Variants in CACTIN observed in about 807,000 individuals in gnomAD.
The protein encoded by CACTIN is splicing factor Cactin.
A neutral mutation model predicts 84.9 loss-of-function variants in CACTIN; 20 were observed. The observed-to-expected ratio is 0.24, with a 90% CI of 0.17 to 0.34. CACTIN has a LOEUF of 0.34. Among genes scored for constraint, CACTIN ranks in the 10% least tolerant of loss-of-function variants. The pLI, the probability that CACTIN is intolerant of heterozygous loss-of-function variation, is 1.00. For missense variants in CACTIN, 897 were observed against 1,117.2 expected (o/e 0.80, Z 2.81); for synonymous variants, 549 against 467.9 (o/e 1.17, Z -2.24).
chr19:3,614,099 C>T (rs1241372850), intron 7 of CACTIN, among the ~76,000 whole-genome samples: 4 of 152,154 alleles, frequency 2.6e-5, no homozygotes, highest in Admixed American at 1.3e-4. Context: ...TGCTGGAGCG[C>T]GCCAGGTACT....
intron 2 of CACTIN, among the ~76,000 whole-genome samples, chr19:3,623,353 C>T (rs1412262085): frequency 6.6e-6 from 1 of 151,994 alleles, no homozygotes; most frequent in Non-Finnish European, 1.5e-5. Context: ...CATGGTGAAA[C>T]CCTGTCTCTA....
In CACTIN at chr19:3,624,031, G is replaced by T. The variant is rs765548103; in HGVS notation, c.299C>A (p.Ala100Asp). The change falls in exon 2 of 10, where the codon GCT (alanine) becomes GAT (aspartate). Residue 100 changes from alanine to aspartate, a missense_variant. Physicochemically the swap from Ala to Asp is moderately radical, Grantham distance 126 (BLOSUM62 -2). Coordinates refer to ENST00000429344, the MANE Select transcript of CACTIN (RefSeq NM_001080543.2). ...CGAGCGTGCGCGCCGTCGCCGGCGAGCCCACTGGCCCCGTGACTGCTCCTC... is the reference window on the plus strand; with the variant it reads ...CGAGCGTGCGCGCCGTCGCCGGCGATCCCACTGGCCCCGTGACTGCTCCTC... The part of the protein sequence containing the change: ...SGEEQSRGQW[A>D]RRRRRARSWS... 3.1e-6 allele frequency: 5 copies of T among 1,605,426 alleles called. No homozygotes were observed. The Admixed American group carries it at 6.7e-5, about 21-fold the overall frequency.
At chr19:3,624,539 G>T (rs953464742) in intron 1 of CACTIN, among the ~76,000 whole-genome samples, 6 of 152,134 alleles carry the variant, frequency 3.9e-5, no homozygotes, top group African/African-American at 1.4e-4. Context: ...TCGAGGCAGA[G>T]CAAGAGCGAG....
chr19:3,611,698 G>A lies in CACTIN; in HGVS notation c.*225C>T, dbSNP rs1411051635. ...CCCCCTCCGTTGCATCAGGACCCTA[G>A]GCCAGCCTGTCCCAGTGTCTCCTCA... On this transcript the variant is annotated 3_prime_UTR_variant, in exon 10 of 10. Coordinates refer to ENST00000429344, the MANE Select transcript of CACTIN (RefSeq NM_001080543.2). 3 of 631,374 alleles carry A rather than the reference G, an allele frequency of 4.8e-6. No individual in the cohort carries two copies. In the South Asian group the frequency reaches 5.4e-5, roughly 11 times the overall value. The allele number at this position is 631,374 out of a possible 1,614,324, so 39.1% of individuals were successfully genotyped here. A position where few individuals can be genotyped will look rare whatever the true frequency, so the allele number is the denominator to read the frequency against.
intron 2 of CACTIN, 135 bp from the exon 3 acceptor site, chr19:3,620,937 A>G (rs1250866446): frequency 1.4e-6 from 1 of 724,726 alleles, no homozygotes; most frequent in Admixed American, 2.0e-5. Context: ...CACGTCTTCC[A>G]CCCCCTCCTT....
chr19:3,613,958 G>A (rs1334178602), intron 7 of CACTIN: 3 of 410,788 alleles, frequency 7.3e-6, no homozygotes, highest in African/African-American at 2.0e-5. Context: ...TTTACACAGC[G>A]GTGCCAAAAA....
chr19:3,619,411 T>G (rs1000470398), intron 4 of CACTIN, among the ~76,000 whole-genome samples, 169 bp from the exon 5 acceptor site: 3 of 151,312 alleles, frequency 2.0e-5, no homozygotes, highest in Non-Finnish European at 2.9e-5. Context: ...TAAGGTAGAG[T>G]GAGCCGGGTC....
chr19:3,618,940 A>G lies in CACTIN; in HGVS notation c.1097T>C (p.Met366Thr). The G allele has an allele frequency of 1.3e-6, 2 of 1,560,110 alleles. No individual in the cohort carries two copies. The highest frequency in any genetic ancestry group is 8.7e-7 in the Non-Finnish European group (1 of 1,151,906). Residue 366 changes from methionine (M) to threonine (T), a missense_variant, in exon 6 of 10, where the codon ATG becomes ACG. Transcript: ENST00000429344. ...GATCTCGTCCTCGGTGATGGTGGTC[A>G]TGTCCCGCCAGAAGTCGGCGTTCTT... ...QGKNADFWRDMTTITEDEISK... is the reference protein window; with the variant it reads ...QGKNADFWRDTTTITEDEISK...
In CACTIN at chr19:3,617,336, G is replaced by T. The variant is rs1158859621; in HGVS notation, c.1162+1539C>A. On this transcript the variant is annotated intron_variant, in intron 6 of 9. Transcript: ENST00000429344. ...TAATTTAAGAAGATCCAGGACAGGG[G>T]CTCTGTGGGTCTCCAGGGGGACAGC... Among the ~76,000 whole-genome samples the T allele has an allele frequency of 2.0e-5, 3 of 152,362 alleles. No individual in the cohort carries two copies. The East Asian group carries it at 5.8e-4, about 29-fold the overall frequency.
chr19:3,614,645 A>G (rs954782551), intron 6 of CACTIN, 56 bp from the exon 7 acceptor site: 1 of 1,447,378 alleles, frequency 6.9e-7, no homozygotes, highest in African/African-American at 1.4e-5. Context: ...GTGCTCCTCC[A>G]CCCCATCAGG....
Position 3,612,196 on chromosome 19 carries a change from T to G in CACTIN, c.2004A>C (p.Pro668=). The G allele has an allele frequency of 6.2e-7, 1 of 1,613,418 alleles. No homozygotes were observed. Among genetic ancestry groups the G allele is most frequent in the Non-Finnish European group, 8.5e-7 (1 of 1,179,882 alleles). ...TGTATCCCTGCACGATCTTGGGCGG[T>G]GGGTTGTCAAAGTCGTAGTGCGTCT... ...YNQTHYDFDN[P]PPKIVQGYKF... Residue 668 remains proline (P), a synonymous_variant, in exon 10 of 10, where the codon CCA becomes CCC. Coordinates refer to ENST00000429344, the MANE Select transcript of CACTIN (RefSeq NM_001080543.2).
intron 7 of CACTIN, chr19:3,613,805 G>A: frequency 1.7e-6 from 1 of 603,236 alleles, no homozygotes; most frequent in Non-Finnish European, 2.8e-6. Context: ...CCATCCCATG[G>A]CAGGGAGAGG....
At chr19:3,625,407 G>A (rs2033313278) in intron 1 of CACTIN, among the ~76,000 whole-genome samples, 1 of 152,074 alleles carries the variant, frequency 6.6e-6, no homozygotes, top group African/African-American at 2.4e-5. Flanking sequence ...ACCAGAAAAT[G>A]GTAGGCGAAA....
At chr19:3,618,760 T>C (rs1367276412) in intron 6 of CACTIN, 115 bp downstream of exon 6, 9 of 833,810 alleles carry the variant, frequency 1.1e-5, no homozygotes, top group Non-Finnish European at 1.7e-5. Context: ...GAGGCCCCAG[T>C]TGGGGAAACC....
rs747519855 is a variant in CACTIN, at chr19:3,623,752, C to G, written c.578G>C (p.Gly193Ala). Residue 193 changes from glycine to alanine, a missense_variant, in exon 2 of 10, where the codon GGC becomes GCC. Coordinates refer to ENST00000429344, the MANE Select transcript of CACTIN (RefSeq NM_001080543.2). ...GAAGGGGTTGTCGGTGTTGGTGTAG[C>G]CCATGTACTCCTCACCCCAGCCCAT... ...EKMGWGEEYM[G>A]YTNTDNPFGD... is the part of the protein sequence containing the mutation. The G allele has an allele frequency of 6.2e-7, 1 of 1,613,884 alleles. No homozygotes were observed. Among genetic ancestry groups the G allele is most frequent in the South Asian group, 1.1e-5 (1 of 91,044 alleles).
At position 3,610,940 on chromosome 19, in the gene CACTIN, G is replaced by A. The variant is rs2032933051; in HGVS notation, c.*983C>T. ...CGGCTGGGCCACTCCGACCTGGGCTGTGGCACCCGTGTGGCCCTCGGCCCT... is the reference window on the plus strand; with the variant it reads ...CGGCTGGGCCACTCCGACCTGGGCTATGGCACCCGTGTGGCCCTCGGCCCT... On this transcript the variant is annotated 3_prime_UTR_variant, in exon 10 of 10. Coordinates refer to ENST00000429344, the MANE Select transcript of CACTIN (RefSeq NM_001080543.2). 4 of 456,642 alleles carry A rather than the reference G, an allele frequency of 8.8e-6. No individual in the cohort carries two copies. Among genetic ancestry groups the A allele is most frequent in the Admixed American group, 4.7e-5 (2 of 42,566 alleles). The allele number at this position is 456,642 out of a possible 1,614,324, so 28.3% of individuals were successfully genotyped here.
rs2032930488 is a variant in CACTIN at position 3,610,844 on chromosome 19, G to A, written c.*1079C>T. 2.2e-6 allele frequency: 1 copy of A among 456,824 alleles called. No individual in the cohort carries two copies. Among genetic ancestry groups the A allele is most frequent in the South Asian group, 1.5e-5 (1 of 64,568 alleles). The allele number at this position is 456,824 out of a possible 1,614,324, so 28.3% of individuals were successfully genotyped here. The stretch of plus-strand genomic sequence containing the variant: ...CTGGTGAGGTTGGGTGGCCCTCTGG[G>A]GGTCCGGGAGGCACTTTCCGTTTTG... On this transcript the variant is annotated 3_prime_UTR_variant, in exon 10 of 10. Coordinates refer to ENST00000429344, the MANE Select transcript of CACTIN (RefSeq NM_001080543.2).
intron 4 of CACTIN, among the ~76,000 whole-genome samples, chr19:3,619,458 C>T (rs1285940891): frequency 6.6e-6 from 1 of 152,222 alleles, no homozygotes; most frequent in Non-Finnish European, 1.5e-5. Context: ...AGACAAAGTG[C>T]AAGCAGCGTG....
In CACTIN at chr19:3,620,129, C is replaced by T. The variant is rs1568295189; in HGVS notation, c.882G>A (p.Leu294=). ...GGGAGGGGGAGGCCCCAGCGCACCG[C>T]AGCTTGGCCTGCTGGAGGTGGAAGT... ...EDNFHLQQAK[L]RSKIRIRDGR... The change falls in exon 4 of 10, where the codon CTG becomes CTA. Residue 294 remains leucine (L), a splice_region_variant and synonymous_variant. Transcript: ENST00000429344. The T allele has an allele frequency of 6.2e-7, 1 of 1,610,698 alleles. No homozygotes were observed. The highest frequency in any genetic ancestry group is 2.2e-5 in the East Asian group (1 of 44,874).
Sources: allele counts gnomAD v4.1 joint callset (sites outside exome capture counted in the v4.1 genomes callset), GRCh38; gene constraint gnomAD v4.1.1; transcripts MANE v1.5; gene names NCBI Gene and HGNC (gene_info 2026-07-23, HGNC 2026-07-21).